The following NAV2 variants were observed in gnomAD, a reference collection of about 807,000 sequenced individuals.
NAV2 encodes the protein neuron navigator 2.
In NAV2, 54 loss-of-function variants were observed where a neutral mutation model predicts 223.2. That is an observed-to-expected ratio of 0.24 (90% CI 0.19 to 0.30). The LOEUF (loss-of-function observed/expected upper bound fraction) is 0.30. NAV2 is among the 10% of genes least tolerant of loss of function. The pLI is 1.00. For synonymous variants in NAV2, 1,279 were observed against 1,239.3 expected (o/e 1.03, Z -0.67); for missense variants, 2,806 against 3,147.5 (o/e 0.89, Z 2.60).
In NAV2 at chr11:19,951,199, A is replaced by G. The variant is rs757486602; in HGVS notation, c.2645+2119A>G. Reference sequence around the variant, plus strand: ...AGTTTCTATGGCTGGCCTCAGGGGAAATAGGATTGAGAGACCAGAGGGCAG... The same window carrying G: ...AGTTTCTATGGCTGGCCTCAGGGGAGATAGGATTGAGAGACCAGAGGGCAG... On this transcript the variant is annotated intron_variant, in intron 10 of 37. Transcript: ENST00000349880. Among the ~76,000 whole-genome samples, 64 of 152,296 alleles carry G rather than the reference A, an allele frequency of 4.2e-4. 1 individual carries two copies. Among genetic ancestry groups the G allele is most frequent in the Non-Finnish European group, 1.5e-4 (10 of 68,022 alleles).
chr11:19,511,148 G>A (rs1048893123), intron 1 of NAV2: 14 of 152,188 alleles, frequency 9.2e-5, no homozygotes, highest in Admixed American at 3.3e-4. Flanking sequence ...CAAGTCAGTA[G>A]GTTTTGTCAG....
chr11:19,920,726 G>A (rs2044207849), intron 6 of NAV2, among the ~76,000 whole-genome samples: 1 of 152,196 alleles, frequency 6.6e-6, no homozygotes, highest in Admixed American at 6.5e-5. Context: ...AAGCCTTTAA[G>A]TTGGACTTGA....
At chr11:19,963,939 C>A (rs78384936) in intron 10 of NAV2, among the ~76,000 whole-genome samples, 1 of 152,088 alleles carries the variant, frequency 6.6e-6, no homozygotes, top group Non-Finnish European at 1.5e-5. Context: ...ATTTCAGTCA[C>A]CTATGGTTTC....
chr11:19,970,295 A>G (rs1414804185), intron 10 of NAV2, among the ~76,000 whole-genome samples: 1 of 152,070 alleles, frequency 6.6e-6, no homozygotes, highest in Non-Finnish European at 1.5e-5. Context: ...CACGCTCCCA[A>G]ATAGCTGGGA....
In NAV2 at chr11:19,499,462, G is replaced by A. The variant is rs759498810; in HGVS notation, c.75+148435G>A. Among the ~76,000 whole-genome samples, 5 of 152,200 alleles carry A rather than the reference G, an allele frequency of 3.3e-5. No individual in the cohort carries two copies. In the East Asian group the frequency reaches 5.8e-4, roughly 18 times the overall value. ...GTCAAAGGGAGAAATGTTGTGAGTCGTTTCTAAGGAGAGGTGAGCAGTGCC... is the reference window on the plus strand; with the variant it reads ...GTCAAAGGGAGAAATGTTGTGAGTCATTTCTAAGGAGAGGTGAGCAGTGCC... On this transcript the variant is annotated intron_variant, in intron 1 of 37. Transcript: ENST00000360655.
chr11:19,669,554 T>C (rs2048519277), intron 1 of NAV2, among the ~76,000 whole-genome samples: 1 of 152,244 alleles, frequency 6.6e-6, no homozygotes. Context: ...GTTTAAGTGC[T>C]AACTGTATGG....
At chr11:19,541,349 G>T (rs1238703003) in intron 1 of NAV2, among the ~76,000 whole-genome samples, 1 of 152,228 alleles carries the variant, frequency 6.6e-6, no homozygotes, top group Admixed American at 6.6e-5. Context: ...AATTGTTCTA[G>T]AAGACAGGAA....
At chr11:19,897,234 G>C (rs2042061485) in intron 6 of NAV2, among the ~76,000 whole-genome samples, 1 of 152,090 alleles carries the variant, frequency 6.6e-6, no homozygotes. Context: ...GGCCTGTTGT[G>C]GGGTGGGGGG....
chr11:19,590,450 G>A (rs1408044339), intron 1 of NAV2, among the ~76,000 whole-genome samples: 2 of 152,082 alleles, frequency 1.3e-5, no homozygotes, highest in Non-Finnish European at 2.9e-5. Flanking sequence ...CCGCACCCCA[G>A]GCACCTCTGC....
chr11:19,842,900 T>C lies in NAV2; in HGVS notation c.415T>C (p.Cys139Arg). 1.2e-6 allele frequency: 2 copies of C among 1,614,080 alleles called. No individual in the cohort carries two copies. The highest frequency in any genetic ancestry group is 1.7e-6 in the Non-Finnish European group (2 of 1,179,940). Residue 139 changes from cysteine (C) to arginine (R), a missense_variant, in exon 3 of 38, where the codon TGT (cysteine) becomes CGT (arginine). By Grantham distance (180) the Cys-to-Arg change is radical. Around this residue, in one of 4 missense-constraint regions of NAV2, gnomAD observed 1,167 missense variants for 1,180.5 expected, o/e 0.99. Coordinates refer to ENST00000349880, the MANE Select transcript of NAV2 (RefSeq NM_145117.5). ...ANEKIEDING[C>R]PKNRSQMIEN... ...TGAAAAGATTGAAGACATCAATGGC[T>C]GTCCGAAGAACAGATCCCAAATGGT...
chr11:19,729,330 G>A (rs1590204873), intron 1 of NAV2, among the ~76,000 whole-genome samples: 1 of 152,152 alleles, frequency 6.6e-6, no homozygotes, highest in Admixed American at 6.5e-5. Flanking sequence ...ATGAACAGAC[G>A]GTGGAGAGCT....
intron 1 of NAV2, among the ~76,000 whole-genome samples, chr11:19,719,787 A>G (rs2050613990): frequency 6.6e-6 from 1 of 152,226 alleles, no homozygotes; most frequent in African/African-American, 2.4e-5. Context: ...CATCCAAAGA[A>G]GTCATATCTC....
At chr11:19,716,449 T>A (rs1478148959) in intron 1 of NAV2, among the ~76,000 whole-genome samples, 1 of 152,172 alleles carries the variant, frequency 6.6e-6, no homozygotes, top group Non-Finnish European at 1.5e-5. Context: ...GTCTGGCAAA[T>A]AAGGAACACT....
intron 1 of NAV2, among the ~76,000 whole-genome samples, chr11:19,443,017 T>C (rs1405433369): frequency 6.6e-6 from 1 of 152,178 alleles, no homozygotes. Context: ...ACACCCACAT[T>C]TAGATCTAAC....
At chr11:20,060,275 T>A (rs1261863531) in intron 19 of NAV2, among the ~76,000 whole-genome samples, 1 of 152,262 alleles carries the variant, frequency 6.6e-6, no homozygotes, top group Non-Finnish European at 1.5e-5. Flanking sequence ...TGGCTATGTG[T>A]TACACACATC....
Position 20,093,091 on chromosome 11 carries a change from A to G in NAV2, c.5816-8A>G, listed in dbSNP as rs773494176. The G allele has an allele frequency of 6.2e-7, 1 of 1,611,170 alleles. No homozygotes were observed. Among genetic ancestry groups the G allele is most frequent in the Admixed American group, 1.7e-5 (1 of 59,656 alleles). ...GTGCCTAAGGCTGTTGATGTTTTCC[A>G]TTCGCAGACATGTTGCTGGATGACA... On this transcript the variant is annotated splice_region_variant and splice_polypyrimidine_tract_variant and intron_variant, in intron 28 of 37. Transcript: ENST00000349880.
chr11:19,495,057 G>T (rs1255201230), intron 1 of NAV2, among the ~76,000 whole-genome samples: 4 of 152,202 alleles, frequency 2.6e-5, no homozygotes, highest in African/African-American at 9.6e-5. Context: ...CTTAGGGCCT[G>T]GGTCTCCAGA....
chr11:19,345,798 C>T (rs571358562), upstream of NAV2, among the ~76,000 whole-genome samples: 7 of 152,314 alleles, frequency 4.6e-5, no homozygotes, highest in East Asian at 3.9e-4. This position sits in a 1 kb window ranked among gnomAD's most constrained non-coding sequence, Gnocchi z 5.2. Flanking sequence ...TCTGGGCGTA[C>T]GTGCCTGAGG....
At chr11:19,603,552 G>A (rs753465391) in intron 1 of NAV2, among the ~76,000 whole-genome samples, 74 of 151,484 alleles carry the variant, frequency 4.9e-4, no homozygotes, top group Middle Eastern at 3.4e-3. Context: ...GCTTGGACCC[G>A]GGAGGCGGAG....
Sources: allele counts gnomAD v4.1 joint callset (sites outside exome capture counted in the v4.1 genomes callset), GRCh38; gene constraint gnomAD v4.1.1; regional missense constraint gnomAD v4.1.1; non-coding constraint Gnocchi (gnomAD v3.1); transcripts MANE v1.5; gene names NCBI Gene and HGNC (gene_info 2026-07-23, HGNC 2026-07-21).